Variants in ADAMTS6 observed in about 807,000 individuals in gnomAD.
ADAMTS6 encodes A disintegrin and metalloproteinase with thrombospondin motifs 6.
A neutral mutation model predicts 144.3 loss-of-function variants in ADAMTS6; 23 were observed. The observed-to-expected ratio is 0.16, with a 90% CI of 0.11 to 0.23. The LOEUF is 0.23. Among genes scored for constraint, ADAMTS6 ranks in the 10% least tolerant of loss-of-function variants. The pLI is 1.00. For missense variants in ADAMTS6, 999 were observed against 1,379.6 expected (o/e 0.72, Z 4.37); for synonymous variants, 444 against 457.5 (o/e 0.97, Z 0.38).
intron 22 of ADAMTS6, among the ~76,000 whole-genome samples, chr5:65,177,309 C>T (rs930326908): frequency 2.6e-5 from 4 of 152,182 alleles, no homozygotes; most frequent in Non-Finnish European, 5.9e-5. Flanking sequence ...CTTCTTCCCT[C>T]GCTCTATTGC....
intron 4 of ADAMTS6, among the ~76,000 whole-genome samples, chr5:65,459,550 A>T (rs1759493007): frequency 6.6e-6 from 1 of 152,140 alleles, no homozygotes; most frequent in African/African-American, 2.4e-5. Context: ...ATTATAAGAC[A>T]TTCTCCCTTT....
At position 65,260,157 on chromosome 5, in the gene ADAMTS6, G is replaced by T. The variant is rs369554693; in HGVS notation, c.1830+443C>A. Among the ~76,000 whole-genome samples, 14 of 152,168 alleles carry T rather than the reference G, an allele frequency of 9.2e-5. No homozygotes were observed. The East Asian group carries it at 2.1e-3, about 23-fold the overall frequency. On this transcript the variant is annotated intron_variant, in intron 14 of 24. Transcript: ENST00000381055. Reference sequence around the variant, plus strand: ...AAGTACAGAAGAAGTTTCAGTAGTTGGGCAGGGATACAAAACAGAACAGAG... The same window carrying T: ...AAGTACAGAAGAAGTTTCAGTAGTTTGGCAGGGATACAAAACAGAACAGAG...
chr5:65,303,177 C>T (rs1561399520), intron 9 of ADAMTS6, among the ~76,000 whole-genome samples: 1 of 152,106 alleles, frequency 6.6e-6, no homozygotes, highest in Non-Finnish European at 1.5e-5. Context: ...ACCAGCTGAT[C>T]AATGGTTAAA....
intron 3 of ADAMTS6, among the ~76,000 whole-genome samples, chr5:65,468,660 G>T (rs904213567): frequency 6.6e-6 from 1 of 152,104 alleles, no homozygotes; most frequent in Non-Finnish European, 1.5e-5. Flanking sequence ...AGTAAAATAG[G>T]TGTTAACAGA....
At chr5:65,385,916 T>A (rs1183698413) in intron 7 of ADAMTS6, among the ~76,000 whole-genome samples, 1 of 152,200 alleles carries the variant, frequency 6.6e-6, no homozygotes, top group Non-Finnish European at 1.5e-5. Context: ...TACCACTGCT[T>A]ATTTTGGCTG....
chr5:65,424,887 C>T (rs1201364775), intron 7 of ADAMTS6, among the ~76,000 whole-genome samples: 2 of 152,186 alleles, frequency 1.3e-5, no homozygotes, highest in Non-Finnish European at 2.9e-5. Context: ...TCATTCTTAA[C>T]AGCCTAGGAC....
intron 18 of ADAMTS6, among the ~76,000 whole-genome samples, chr5:65,217,268 T>A (rs1407747719): frequency 6.6e-6 from 1 of 152,178 alleles, no homozygotes; most frequent in African/African-American, 2.4e-5. Context: ...TTTAAAACAT[T>A]TGGTTTTATA....
chr5:65,366,648 A>G (rs1221801361), intron 7 of ADAMTS6, among the ~76,000 whole-genome samples: 2 of 152,230 alleles, frequency 1.3e-5, no homozygotes, highest in African/African-American at 2.4e-5. Context: ...TCCTAAAGCT[A>G]TCATCTTGCT....
chr5:65,411,799 A>T (rs891762529), intron 7 of ADAMTS6, among the ~76,000 whole-genome samples: 16 of 152,210 alleles, frequency 1.1e-4, no homozygotes, highest in African/African-American at 3.9e-4. Flanking sequence ...TTGAAAAATT[A>T]TGCCTTTGTA....
chr5:65,190,111 C>T (rs1754915421), intron 21 of ADAMTS6, among the ~76,000 whole-genome samples: 1 of 151,918 alleles, frequency 6.6e-6, no homozygotes. Context: ...CATTATTATT[C>T]GTATTGTCTT....
At chr5:65,265,796 G>A (rs1241290975) in intron 12 of ADAMTS6, among the ~76,000 whole-genome samples, 2 of 151,754 alleles carry the variant, frequency 1.3e-5, no homozygotes, top group African/African-American at 2.4e-5. Flanking sequence ...TTCAGATGAG[G>A]ACACCAGAAC....
intron 4 of ADAMTS6, 62 bp from the exon 5 acceptor site, chr5:65,452,980 T>C (rs1165043864): frequency 1.6e-6 from 2 of 1,284,224 alleles, no homozygotes; most frequent in African/African-American, 3.0e-5. Context: ...TTATAGATCT[T>C]TCATGTAGAC....
chr5:65,338,192 C>T (rs906989287), intron 7 of ADAMTS6, among the ~76,000 whole-genome samples: 3 of 152,106 alleles, frequency 2.0e-5, no homozygotes, highest in African/African-American at 7.2e-5. Context: ...GTTTTCTTTT[C>T]GTGAAAGTGT....
chr5:65,455,927 A>G lies in ADAMTS6; in HGVS notation c.632-3009T>C, dbSNP rs563054612. On this transcript the variant is annotated intron_variant, in intron 4 of 24. Coordinates refer to ENST00000381055, the MANE Select transcript of ADAMTS6 (RefSeq NM_197941.4). ...TTTAAAAATTTTAGTTTGCTTGGCT[A>G]TCACTCTAACAAACTACAAATTATT... 4.6e-5 allele frequency among the ~76,000 whole-genome samples: 7 copies of G among 152,094 alleles called. No homozygotes were observed. The East Asian group carries it at 1.2e-3, about 25-fold the overall frequency.
At chr5:65,353,013 T>C (rs1441094422) in intron 7 of ADAMTS6, among the ~76,000 whole-genome samples, 1 of 152,030 alleles carries the variant, frequency 6.6e-6, no homozygotes, top group Non-Finnish European at 1.5e-5. Flanking sequence ...GAATAACTTC[T>C]TTCTACCTGA....
chr5:65,292,284 T>C (rs1241662818), intron 10 of ADAMTS6, among the ~76,000 whole-genome samples: 2 of 152,160 alleles, frequency 1.3e-5, no homozygotes, highest in South Asian at 2.1e-4. Flanking sequence ...GATGCTTTTT[T>C]ACTTTCATTT....
At chr5:65,221,832 A>AT (rs1323598642) in intron 18 of ADAMTS6, among the ~76,000 whole-genome samples, 2 of 152,262 alleles carry the variant, frequency 1.3e-5, no homozygotes, top group East Asian at 3.9e-4. Flanking sequence ...GAAATAAACT[A>AT]TATTATTCCC....
intron 15 of ADAMTS6, 120 bp from the exon 16 acceptor site, chr5:65,226,339 T>C (rs1223102956): frequency 1.0e-6 from 1 of 1,003,410 alleles, no homozygotes; most frequent in East Asian, 3.0e-5. Flanking sequence ...ATATGCCTGA[T>C]TGTGTAGGTT....
At chr5:65,247,926 A>G (rs1408210182) in intron 14 of ADAMTS6, among the ~76,000 whole-genome samples, 1 of 152,100 alleles carries the variant, frequency 6.6e-6, no homozygotes, top group Non-Finnish European at 1.5e-5. Context: ...AAAACAACAT[A>G]TTCTTAGTAG....
Sources: gnomAD v4.1 joint callset for allele counts (sites outside exome capture counted in the v4.1 genomes callset) on GRCh38, gnomAD v4.1.1 for gene constraint, MANE v1.5 for transcripts, NCBI Gene and HGNC (gene_info 2026-07-23, HGNC 2026-07-21) for gene names.